Variants in ATE1 observed in about 807,000 individuals in gnomAD.
ATE1 encodes arginyl-tRNA--protein transferase 1.
Under a neutral mutation model 70.5 loss-of-function variants are expected in ATE1, and 36 were observed. The ratio of observed to expected loss-of-function variants is 0.51; its 90% CI spans 0.39 to 0.67. The LOEUF is 0.67. Ranked by LOEUF, ATE1 falls within the 30% of genes least tolerant of loss-of-function variation. The pLI is 0.00. For missense variants in ATE1, 593 were observed against 629.5 expected, an observed-to-expected ratio of 0.94 and a Z score of 0.62; for synonymous variants, 232 against 219.3, an observed-to-expected ratio of 1.06 and a Z score of -0.51.
chr10:121,927,992 C>T lies in ATE1; in HGVS notation c.-43G>A, dbSNP rs746149738. On this transcript the variant is annotated 5_prime_UTR_variant, in exon 1 of 12. Coordinates refer to ENST00000224652, the MANE Select transcript of ATE1 (RefSeq NM_001001976.3). ...CGCTCAGCCGCCCGGCCCCGCGTCG[C>T]TAGCGCGGCCGCCGCCGCCACCCCA... 4 of 1,418,548 alleles carry T rather than the reference C, an allele frequency of 2.8e-6. No homozygotes were observed. Among genetic ancestry groups the T allele is most frequent in the African/African-American group, 1.5e-5 (1 of 66,420 alleles). The allele number at this position is 1,418,548 out of a possible 1,614,324, so 87.9% of individuals were successfully genotyped here.
chr10:121,902,618 T>A lies in ATE1; in HGVS notation c.586A>T (p.Lys196Ter). The change falls in exon 6 of 12, where the codon AAA becomes TAA. Residue 196 changes from lysine (K) to a stop codon, truncating the protein, a stop_gained and splice_region_variant. Coordinates refer to ENST00000224652, the MANE Select transcript of ATE1 (RefSeq NM_001001976.3). LOFTEE classifies it high-confidence loss of function. ...GGAGGCTTACTCAAATCAGCCCCTT[T>A]GCCTAAAAAGAATTTTAAAATATTA... ...VKVHTVPKPG[K>*]GADLSKPPCR... 6.3e-7 allele frequency: 1 copy of A among 1,597,644 alleles called. No individual in the cohort carries two copies. The highest frequency in any genetic ancestry group is 8.5e-7 in the Non-Finnish European group (1 of 1,171,762).
chr10:121,911,155 C>T lies in ATE1; in HGVS notation c.338-4G>A, dbSNP rs372791984. On this transcript the variant is annotated splice_polypyrimidine_tract_variant and splice_region_variant and intron_variant, in intron 4 of 11. Coordinates refer to ENST00000224652, the MANE Select transcript of ATE1 (RefSeq NM_001001976.3). ...ATTGTGGAATCCATGGGCTCATCTA[C>T]AAATCAGAAGAAATTAAAAATCCAT... is the stretch of plus-strand genomic sequence containing the variant. 3.1e-6 allele frequency: 5 copies of T among 1,602,174 alleles called. No individual in the cohort carries two copies. The African/African-American group carries it at 5.4e-5, about 17-fold the overall frequency.
chr10:121,805,349 T>A (rs1031829556), intron 10 of ATE1, among the ~76,000 whole-genome samples: 1 of 152,326 alleles, frequency 6.6e-6, no homozygotes, highest in African/African-American at 2.4e-5. Flanking sequence ...TTGGTATTAA[T>A]TGAAGCAACA....
chr10:121,748,940 G>A (rs1208510353), intron 11 of ATE1, among the ~76,000 whole-genome samples: 1 of 152,138 alleles, frequency 6.6e-6, no homozygotes, highest in Non-Finnish European at 1.5e-5. Flanking sequence ...TGCAAGTAAT[G>A]TGGTGCTAAT....
chr10:121,885,260 CAAAAAAAAAAAAA>C (rs1212899309), intron 7 of ATE1, among the ~76,000 whole-genome samples: 609 of 33,426 alleles, frequency 0.018, 23 homozygotes, highest in Admixed American at 0.17. Context: ...GACTCCGTCT[CAAAAAAAAAAAAA>C]AAAAAAAAAA....
At chr10:121,797,754 C>G (rs1946717521) in intron 10 of ATE1, among the ~76,000 whole-genome samples, 1 of 152,162 alleles carries the variant, frequency 6.6e-6, no homozygotes, top group Non-Finnish European at 1.5e-5. Flanking sequence ...AGGCCTGCTC[C>G]CACCTCAGAG....
intron 11 of ATE1, among the ~76,000 whole-genome samples, chr10:121,747,012 A>G (rs1333528458): frequency 6.6e-6 from 1 of 152,224 alleles, no homozygotes; most frequent in Admixed American, 6.5e-5. Flanking sequence ...GGTTTGTAGC[A>G]GGAGATACAA....
At chr10:121,885,235 T>G (rs1590626669) in intron 7 of ATE1, among the ~76,000 whole-genome samples, 1 of 113,416 alleles carries the variant, frequency 8.8e-6, no homozygotes, top group Non-Finnish European at 1.6e-5. Flanking sequence ...CATTCCAGCC[T>G]GGGCAACAGA....
chr10:121,833,597 A>G (rs77750367), intron 10 of ATE1, among the ~76,000 whole-genome samples: 3 of 151,290 alleles, frequency 2.0e-5, no homozygotes, highest in Admixed American at 1.3e-4. Context: ...TTGAAAAATG[A>G]TAAGATGGGG....
chr10:121,927,839 C>T lies in ATE1; in HGVS notation c.106+5G>A. ...TTCCCACGCCCGCCGGCCCGGCTCG[C>T]TCACCATTGGAGCGGCTGCCCGACT... On this transcript the variant is annotated splice_donor_5th_base_variant and intron_variant, in intron 1 of 11. Coordinates refer to ENST00000224652, the MANE Select transcript of ATE1 (RefSeq NM_001001976.3). The T allele has an allele frequency of 6.4e-7, 1 of 1,565,700 alleles. No individual in the cohort carries two copies. The highest frequency in any genetic ancestry group is 8.6e-7 in the Non-Finnish European group (1 of 1,158,588).
intron 8 of ATE1, among the ~76,000 whole-genome samples, chr10:121,867,467 A>C (rs930064278): frequency 6.6e-6 from 1 of 152,196 alleles, no homozygotes; most frequent in Admixed American, 6.5e-5. Context: ...AGCATTATAC[A>C]TTATCAACAT....
intron 8 of ATE1, among the ~76,000 whole-genome samples, chr10:121,847,965 G>C (rs1948900931): frequency 6.6e-6 from 1 of 151,868 alleles, no homozygotes; most frequent in Non-Finnish European, 1.5e-5. Context: ...CAGCTACTCG[G>C]GAGGCTGAGG....
intron 4 of ATE1, among the ~76,000 whole-genome samples, chr10:121,911,632 T>C (rs989337358): frequency 1.1e-4 from 16 of 151,932 alleles, no homozygotes; most frequent in Non-Finnish European, 1.9e-4. Flanking sequence ...GCTGGATTAG[T>C]AAAAACCAGA....
In ATE1 at chr10:121,806,664, C is replaced by A. The variant is rs552272889; in HGVS notation, c.1258-16375G>T. Reference sequence around the variant, plus strand: ...TGTGAGAATATCCTTGTTCTCAGATCCAAGCTGATGTACTTGGGGGTGAAA... The same window carrying A: ...TGTGAGAATATCCTTGTTCTCAGATACAAGCTGATGTACTTGGGGGTGAAA... On this transcript the variant is annotated intron_variant, in intron 10 of 11. Transcript: ENST00000224652. 2.1e-3 allele frequency among the ~76,000 whole-genome samples: 327 copies of A among 152,158 alleles called. 4 individuals carry two copies. The highest frequency in any genetic ancestry group is 6.7e-3 in the African/African-American group (280 of 41,498).
chr10:121,869,003 G>T (rs1949759111), intron 8 of ATE1, among the ~76,000 whole-genome samples: 1 of 152,200 alleles, frequency 6.6e-6, no homozygotes, highest in South Asian at 2.1e-4. Flanking sequence ...TGAAGAAGTT[G>T]GGAAAGCATA....
intron 5 of ATE1, among the ~76,000 whole-genome samples, chr10:121,903,372 T>G (rs1951062642): frequency 1.3e-5 from 2 of 152,168 alleles, no homozygotes; most frequent in Non-Finnish European, 2.9e-5. Context: ...AAAGGAATAC[T>G]GATCCCAGCG....
chr10:121,875,054 G>A (rs1949995479), intron 7 of ATE1, among the ~76,000 whole-genome samples: 1 of 148,268 alleles, frequency 6.7e-6, no homozygotes, highest in Non-Finnish European at 1.5e-5. Context: ...CAGGAGAATG[G>A]CGTGAACCCA....
At chr10:121,819,855 AG>A (rs1369622938) in intron 10 of ATE1, among the ~76,000 whole-genome samples, 1 of 151,182 alleles carries the variant, frequency 6.6e-6, no homozygotes, top group African/African-American at 2.4e-5. Flanking sequence ...AAACCAAAAA[AG>A]TAAAACAGGC....
At chr10:121,900,873 A>C (rs944220493) in intron 6 of ATE1, among the ~76,000 whole-genome samples, 1 of 152,200 alleles carries the variant, frequency 6.6e-6, no homozygotes, top group South Asian at 2.1e-4. Context: ...AAGATAAAAG[A>C]CACCTTGTAA....
Sources: gnomAD v4.1 joint callset for allele counts (sites outside exome capture counted in the v4.1 genomes callset) on GRCh38, gnomAD v4.1.1 for gene constraint, MANE v1.5 for transcripts, NCBI Gene and HGNC (gene_info 2026-07-23, HGNC 2026-07-21) for gene names.